The following ANKRD30BL variants were observed in gnomAD, a reference collection of about 807,000 sequenced individuals.
The protein encoded by ANKRD30BL is ankyrin repeat domain 30B like.
In ANKRD30BL, 20 loss-of-function variants were observed where a neutral mutation model predicts 18.4. The observed-to-expected ratio is 1.09, with a 90% CI of 0.77 to 1.58. The LOEUF (loss-of-function observed/expected upper bound fraction) is 1.58, where lower values mean the gene tolerates loss of function less well. Ranked by LOEUF, ANKRD30BL falls within the 40% of genes most tolerant of loss-of-function variation. ANKRD30BL has a pLI of 0.00. For missense variants in ANKRD30BL, 224 were observed against 268.6 expected (o/e 0.83, Z 1.16); for synonymous variants, 72 against 100.9 (o/e 0.71, Z 1.72).
At chr2:132,197,044 C>G (rs935322493) in intron 1 of ANKRD30BL, among the ~76,000 whole-genome samples, 2 of 152,226 alleles carry the variant, frequency 1.3e-5, no homozygotes, top group African/African-American at 4.8e-5. Flanking sequence ...TTCATCCACT[C>G]AGCAAACTCT....
intron 1 of ANKRD30BL, among the ~76,000 whole-genome samples, chr2:132,197,403 A>G (rs1341268159): frequency 6.6e-6 from 1 of 152,142 alleles, no homozygotes; most frequent in East Asian, 1.9e-4. Flanking sequence ...GATTTCTTCA[A>G]AAAAAGTCTT....
In ANKRD30BL at chr2:132,161,276, C is replaced by G. The variant is rs574573625; in HGVS notation, c.218+212G>C. On this transcript the variant is annotated intron_variant, in intron 1 of 5. Transcript: ENST00000409867. ...GGGGTTGATTTTAAGGTGGCCTGTG[C>G]CCTCCGCCCTGCAGGGCGCCCTCAT... 1.8e-3 allele frequency among the ~76,000 whole-genome samples: 272 copies of G among 152,268 alleles called. 1 individual carries two copies. The highest frequency in any genetic ancestry group is 6.8e-3 in the Middle Eastern group (2 of 294).
chr2:132,245,615 TC>T (rs1680476947), intron 1 of ANKRD30BL, among the ~76,000 whole-genome samples: 2 of 152,296 alleles, frequency 1.3e-5, no homozygotes, highest in East Asian at 3.8e-4. Context: ...GGAGGTATCT[TC>T]CCATGAAAAC....
intron 1 of ANKRD30BL, among the ~76,000 whole-genome samples, chr2:132,201,597 T>A (rs62161722): frequency 2.3e-4 from 35 of 151,990 alleles, no homozygotes; most frequent in East Asian, 1.9e-4. Flanking sequence ...ATGAGATACC[T>A]TCTCACACCA....
intron 1 of ANKRD30BL, among the ~76,000 whole-genome samples, chr2:132,232,042 G>A (rs2104783906): frequency 6.6e-6 from 1 of 152,328 alleles, no homozygotes; most frequent in South Asian, 2.1e-4. Context: ...CCCCCGAGCA[G>A]CCTAACTGGG....
chr2:132,253,472 T>C (rs78408043), intron 1 of ANKRD30BL, among the ~76,000 whole-genome samples: 10 of 151,624 alleles, frequency 6.6e-5, no homozygotes, highest in African/African-American at 2.4e-4. Flanking sequence ...CCGACCACAG[T>C]GGGGGGCAAA....
chr2:132,201,420 A>C (rs1244085482), intron 1 of ANKRD30BL, among the ~76,000 whole-genome samples: 1 of 152,194 alleles, frequency 6.6e-6, no homozygotes, highest in African/African-American at 2.4e-5. Context: ...AATATCCAGA[A>C]TCTACAATGA....
At chr2:132,219,711 C>A (rs1261182133) in intron 1 of ANKRD30BL, among the ~76,000 whole-genome samples, 2 of 152,126 alleles carry the variant, frequency 1.3e-5, no homozygotes, top group African/African-American at 4.8e-5. Flanking sequence ...TGTTTGTATT[C>A]AACTGACAGA....
intron 1 of ANKRD30BL, among the ~76,000 whole-genome samples, chr2:132,230,195 A>T (rs932720760): frequency 1.3e-5 from 2 of 152,158 alleles, no homozygotes; most frequent in Non-Finnish European, 1.5e-5. Context: ...TCTTCAACTC[A>T]CAGAGTTGAA....
At chr2:132,170,919 G>A (rs577929040) in intron 1 of ANKRD30BL, among the ~76,000 whole-genome samples, 1 of 152,206 alleles carries the variant, frequency 6.6e-6, no homozygotes, top group Non-Finnish European at 1.5e-5. Context: ...CACTTTGGGA[G>A]GCCGAGGCGG....
intron 1 of ANKRD30BL, among the ~76,000 whole-genome samples, chr2:132,202,266 A>G (rs1201697828): frequency 6.6e-6 from 1 of 152,024 alleles, no homozygotes; most frequent in South Asian, 2.1e-4. Flanking sequence ...CATTGTGCAC[A>G]TGTACCCTAA....
At chr2:132,154,566 A>C in intron 4 of ANKRD30BL, 96 bp downstream of exon 4, 1 of 523,968 alleles carries the variant, frequency 1.9e-6, no homozygotes, top group Non-Finnish European at 3.4e-6. Context: ...TAATCTAATA[A>C]TTTTAAGTAA....
At chr2:132,175,664 T>A (rs1477665870) in intron 1 of ANKRD30BL, among the ~76,000 whole-genome samples, 17 of 152,230 alleles carry the variant, frequency 1.1e-4, no homozygotes, top group Admixed American at 6.5e-5. Flanking sequence ...GACTATCACA[T>A]GTGGAGAATC....
intron 1 of ANKRD30BL, among the ~76,000 whole-genome samples, chr2:132,236,560 C>G (rs1390628019): frequency 1.3e-5 from 2 of 152,114 alleles, no homozygotes; most frequent in Non-Finnish European, 2.9e-5. Flanking sequence ...AAATGCAAAT[C>G]AAAACCACAA....
chr2:132,225,705 G>A (rs1313354765), intron 1 of ANKRD30BL, among the ~76,000 whole-genome samples: 1 of 151,426 alleles, frequency 6.6e-6, no homozygotes, highest in Non-Finnish European at 1.5e-5. Flanking sequence ...AAACTTCTTT[G>A]GCTGTGTGCA....
intron 1 of ANKRD30BL, among the ~76,000 whole-genome samples, chr2:132,205,367 T>C (rs1679190847): frequency 6.7e-6 from 1 of 148,232 alleles, no homozygotes; most frequent in Non-Finnish European, 1.5e-5. Context: ...TCCCAGCACT[T>C]TGGGAGGCCG....
chr2:132,257,710 G>C (rs541235639), exon 1 of ANKRD30BL: 1 of 153,616 alleles, frequency 6.5e-6, no homozygotes, highest in South Asian at 2.0e-4. Context: ...GTCGCCCCTC[G>C]TCGGGCCCGC....
intron 1 of ANKRD30BL, among the ~76,000 whole-genome samples, chr2:132,236,322 A>G (rs1680150070): frequency 1.3e-5 from 2 of 152,210 alleles, no homozygotes; most frequent in African/African-American, 4.8e-5. Context: ...TGGCAACAAA[A>G]GACAAAATTG....
At chr2:132,151,249 G>A (rs1342866800) in intron 4 of ANKRD30BL, among the ~76,000 whole-genome samples, 7 of 152,026 alleles carry the variant, frequency 4.6e-5, no homozygotes, top group African/African-American at 9.7e-5. Flanking sequence ...TCCTTAACTC[G>A]GAATAAGTCC....
Sources: gnomAD v4.1 joint callset for allele counts (sites outside exome capture counted in the v4.1 genomes callset) on GRCh38, gnomAD v4.1.1 for gene constraint, MANE v1.5 for transcripts, NCBI Gene and HGNC (gene_info 2026-07-23, HGNC 2026-07-21) for gene names.